The following ENPP2 variants were observed in gnomAD, a reference collection of about 807,000 sequenced individuals.
ENPP2 encodes ectonucleotide pyrophosphatase/phosphodiesterase 2, also known as autotaxin.
A neutral mutation model predicts 120.2 loss-of-function variants in ENPP2; 51 were observed. The ratio of observed to expected loss-of-function variants is 0.42; its 90% confidence interval spans 0.34 to 0.54. The LOEUF is 0.54. Ranked by LOEUF, ENPP2 falls within the 20% of genes least tolerant of loss-of-function variation. ENPP2 has a pLI of 0.04. For synonymous variants in ENPP2, 365 were observed against 366.4 expected (o/e 1.00, Z 0.04); for missense variants, 920 against 1,066.5 (o/e 0.86, Z 1.91).
chr8:119,608,372 G>T (rs766472563), intron 8 of ENPP2, among the ~76,000 whole-genome samples: 2 of 152,146 alleles, frequency 1.3e-5, no homozygotes, highest in African/African-American at 2.4e-5. Context: ...AAGCCTCAAG[G>T]AGGAGTGCCC....
chr8:119,633,633 CT>C (rs1287014998), intron 2 of ENPP2, among the ~76,000 whole-genome samples: 1 of 151,872 alleles, frequency 6.6e-6, no homozygotes, highest in Non-Finnish European at 1.5e-5. Flanking sequence ...TCTGGTCATA[CT>C]TTTTTCGTAT....
intron 8 of ENPP2, among the ~76,000 whole-genome samples, chr8:119,610,903 T>TAAAAA (rs541673414): frequency 7.3e-5 from 10 of 136,532 alleles, no homozygotes; most frequent in African/African-American, 2.8e-4. Context: ...ATTCTGTCTT[T>TAAAAA]AAAAAAAAAA....
rs368155133 is a variant in ENPP2, at chr8:119,593,774, G to A, written c.1059C>T (p.Asn353=). The change falls in exon 12 of 25, where the codon AAC becomes AAT. Residue 353 remains asparagine, a synonymous_variant. Transcript: ENST00000075322. Reference sequence around the variant, plus strand: ...TACCATGGTCTCCGACAAAGATGACGTTGACACACCGATGCAGTTTTAGTT... The same window carrying A: ...TACCATGGTCTCCGACAAAGATGACATTGACACACCGATGCAGTTTTAGTT... ...LKQLKLHRCV[N]VIFVGDHGME... is the part of the protein sequence containing the mutation. 84 of 1,609,780 alleles carry A rather than the reference G, an allele frequency of 5.2e-5. No homozygotes were observed. Among genetic ancestry groups the A allele is most frequent in the Non-Finnish European group, 6.5e-5 (77 of 1,176,208 alleles).
At chr8:119,571,504 CAA>C (rs1814978572) in intron 19 of ENPP2, 1 of 152,092 alleles carries the variant, frequency 6.6e-6, no homozygotes, top group South Asian at 2.1e-4. Context: ...TTCAGACCTC[CAA>C]AGGAAAGCTC....
chr8:119,570,818 G>T lies in ENPP2; in HGVS notation c.1804C>A (p.Pro602Thr). 1 of 1,569,774 alleles carries T rather than the reference G, an allele frequency of 6.4e-7. No individual in the cohort carries two copies. The highest frequency in any genetic ancestry group is 1.7e-4 in the Middle Eastern group (1 of 5,958). Residue 602 changes from proline to threonine, a missense_variant, in exon 20 of 25, where the codon CCT becomes ACT. Coordinates refer to ENST00000075322, the MANE Select transcript of ENPP2 (RefSeq NM_001040092.3). ...TEERHLLYGR[P>T]AVLYRTRYDI... ...TATCTAGTCCGATAAAGCACTGCAGGTCGCCCATAGAGGAGGTGTCTCTCT... is the reference window on the plus strand; with the variant it reads ...TATCTAGTCCGATAAAGCACTGCAGTTCGCCCATAGAGGAGGTGTCTCTCT...
intron 11 of ENPP2, among the ~76,000 whole-genome samples, chr8:119,600,311 G>T (rs542572255): frequency 1.3e-5 from 2 of 152,062 alleles, no homozygotes; most frequent in Non-Finnish European, 2.9e-5. Context: ...ACAATGTTTT[G>T]CATTGCAGGT....
upstream of ENPP2, among the ~76,000 whole-genome samples, chr8:119,641,168 C>T (rs1169644918): frequency 6.6e-6 from 1 of 152,132 alleles, no homozygotes; most frequent in African/African-American, 2.4e-5. Context: ...TATGTGCATA[C>T]ACACATCATT....
At chr8:119,644,011 G>C in intron 1 of ENPP2, among the ~76,000 whole-genome samples, 1 of 152,070 alleles carries the variant, frequency 6.6e-6, no homozygotes, top group Non-Finnish European at 1.5e-5. Flanking sequence ...CTAGTGCAGG[G>C]AGAGCAGAAG....
At chr8:119,568,669 C>T (rs954678834) in intron 21 of ENPP2, among the ~76,000 whole-genome samples, 1 of 152,060 alleles carries the variant, frequency 6.6e-6, no homozygotes, top group African/African-American at 2.4e-5. Context: ...GGCCTGATCA[C>T]AGCCCACTGT....
intron 2 of ENPP2, among the ~76,000 whole-genome samples, chr8:119,637,105 C>T (rs753237929): frequency 2.6e-5 from 4 of 152,148 alleles, no homozygotes; most frequent in Non-Finnish European, 5.9e-5. Context: ...AGTTGGCTCT[C>T]AAGTTGCTAG....
intron 18 of ENPP2, among the ~76,000 whole-genome samples, chr8:119,581,414 C>G (rs1812727433): frequency 6.6e-6 from 1 of 152,060 alleles, no homozygotes; most frequent in South Asian, 2.1e-4. Context: ...AAAGAGCAAA[C>G]TTGCCCTGTG....
At chr8:119,574,277 C>G (rs1281649553) in intron 19 of ENPP2, among the ~76,000 whole-genome samples, 1 of 151,946 alleles carries the variant, frequency 6.6e-6, no homozygotes, top group South Asian at 2.1e-4. Flanking sequence ...ACAAAATGTA[C>G]TTGAATCTTG....
At chr8:119,671,784 G>A (rs1010449835) in intron 1 of ENPP2, among the ~76,000 whole-genome samples, 3 of 152,204 alleles carry the variant, frequency 2.0e-5, no homozygotes, top group Non-Finnish European at 2.9e-5. Context: ...TGGAGTGAAT[G>A]AGATTATCCA....
rs1195058518 is a variant in ENPP2, at chr8:119,626,675, C to T, written c.182G>A (p.Gly61Asp). 7 of 1,613,966 alleles carry T rather than the reference C, an allele frequency of 4.3e-6. No homozygotes were observed. Among genetic ancestry groups the T allele is most frequent in the Non-Finnish European group, 2.5e-6 (3 of 1,179,962 alleles). Residue 61 changes from glycine (G) to aspartate (D), a missense_variant, in exon 3 of 25, where the codon GGC becomes GAC. Coordinates refer to ENST00000075322, the MANE Select transcript of ENPP2 (RefSeq NM_001040092.3). ...AGCCTCTTGAAGTTCAAAGCACCTGCCCTTGCAAGATCCGGAGATGTTGGT... is the reference window on the plus strand; with the variant it reads ...AGCCTCTTGAAGTTCAAAGCACCTGTCCTTGCAAGATCCGGAGATGTTGGT... ...PWTNISGSCK[G>D]RCFELQEAGP...
At chr8:119,656,380 C>T (rs1180553540) in intron 1 of ENPP2, among the ~76,000 whole-genome samples, 1 of 152,148 alleles carries the variant, frequency 6.6e-6, no homozygotes, top group East Asian at 1.9e-4. Context: ...TGGGAGCGAT[C>T]TCTCTGTATT....
In ENPP2 at chr8:119,557,685, C is replaced by T; in HGVS notation, c.2428G>A (p.Glu810Lys). ...TCTTCTACCCATTTTGATTCGTCCTCTGAGCTCTGCAATGGAAACAGAACA... is the reference window on the plus strand; with the variant it reads ...TCTTCTACCCATTTTGATTCGTCCTTTGAGCTCTGCAATGGAAACAGAACA... ...PDNEESCNSS[E>K]DESKWVEELM... The change falls in exon 25 of 25, where the codon GAG becomes AAG. Residue 810 changes from glutamate to lysine, a missense_variant. By Grantham distance (56) the Glu-to-Lys change is moderately conservative. Transcript: ENST00000075322. 6.4e-7 allele frequency: 1 copy of T among 1,559,312 alleles called. No homozygotes were observed. Among genetic ancestry groups the T allele is most frequent in the South Asian group, 1.2e-5 (1 of 80,980 alleles).
intron 19 of ENPP2, among the ~76,000 whole-genome samples, chr8:119,576,203 A>C (rs1174265210): frequency 2.0e-5 from 3 of 152,186 alleles, no homozygotes; most frequent in African/African-American, 7.2e-5. Flanking sequence ...CAATGGCGAG[A>C]TCTCGACTCA....
chr8:119,626,508 A>G (rs752570958), intron 3 of ENPP2, 57 bp downstream of exon 3: 1 of 1,461,322 alleles, frequency 6.8e-7, no homozygotes, highest in Non-Finnish European at 9.6e-7. Flanking sequence ...TGCATACAAT[A>G]GCAGGCAGTC....
In ENPP2 at chr8:119,622,914, G is replaced by C. The variant is rs79871065; in HGVS notation, c.293-1395C>G. ...CATAGGCAAGTAAATCAATAAGCAA[G>C]ATCATTTCAGCTTATGCCAAATGTT... On this transcript the variant is annotated intron_variant, in intron 3 of 24. Transcript: ENST00000075322. Among the ~76,000 whole-genome samples the C allele has an allele frequency of 2.4e-4, 36 of 152,136 alleles. No individual in the cohort carries two copies. The East Asian group carries it at 6.8e-3, about 29-fold the overall frequency.
Sources: gnomAD v4.1 joint callset for allele counts (sites outside exome capture counted in the v4.1 genomes callset) on GRCh38, gnomAD v4.1.1 for gene constraint, MANE v1.5 for transcripts, NCBI Gene and HGNC (gene_info 2026-07-23, HGNC 2026-07-21) for gene names.